Variants in NAALADL2 observed in about 807,000 individuals in gnomAD.
NAALADL2 encodes the protein inactive N-acetylated-alpha-linked acidic dipeptidase-like protein 2.
Under a neutral mutation model 87.2 loss-of-function variants are expected in NAALADL2, and 76 were observed. The ratio of observed to expected loss-of-function variants is 0.87; its 90% CI spans 0.72 to 1.05. The LOEUF (loss-of-function observed/expected upper bound fraction) is 1.05. Ranked by LOEUF, NAALADL2 falls within the 50% of genes least tolerant of loss-of-function variation. The pLI is 0.00. For synonymous variants in NAALADL2, 354 were observed against 331.0 expected, an observed-to-expected ratio of 1.07 and a Z score of -0.75; for missense variants, 1,089 against 945.8, an observed-to-expected ratio of 1.15 and a Z score of -1.99.
chr3:175,133,407 G>C (rs1041596578), intron 2 of NAALADL2, among the ~76,000 whole-genome samples: 9 of 151,698 alleles, frequency 5.9e-5, no homozygotes, highest in African/African-American at 1.9e-4. Flanking sequence ...CCGATATCAC[G>C]CCACTGCACT....
intron 4 of NAALADL2, among the ~76,000 whole-genome samples, chr3:175,293,376 A>G (rs1186349168): frequency 6.6e-6 from 1 of 152,228 alleles, no homozygotes; most frequent in African/African-American, 2.4e-5. Flanking sequence ...ATGTTTAAAT[A>G]ACATATAGAA....
At chr3:175,135,679 G>C (rs368946177) in intron 2 of NAALADL2, among the ~76,000 whole-genome samples, 10 of 152,158 alleles carry the variant, frequency 6.6e-5, no homozygotes, top group African/African-American at 2.4e-4. Context: ...CTACCTTTCA[G>C]AACAGAGCAG....
At chr3:174,628,776 CTCAT>C (rs1399003916) in intron 2 of NAALADL2, among the ~76,000 whole-genome samples, 1 of 152,112 alleles carries the variant, frequency 6.6e-6, no homozygotes, top group African/African-American at 2.4e-5. Context: ...TCTCTCTGTT[CTCAT>C]TCAGTGATTT....
At chr3:175,295,159 A>G (rs1242270185) in intron 4 of NAALADL2, among the ~76,000 whole-genome samples, 1 of 152,174 alleles carries the variant, frequency 6.6e-6, no homozygotes, top group Non-Finnish European at 1.5e-5. Flanking sequence ...CAGAAATGAG[A>G]TAATATCCAA....
intron 9 of NAALADL2, among the ~76,000 whole-genome samples, chr3:175,518,563 C>T (rs1350367104): frequency 2.6e-5 from 4 of 152,198 alleles, no homozygotes; most frequent in African/African-American, 9.7e-5. Flanking sequence ...AGTCCAAGGT[C>T]ATAGGGCCCC....
Position 174,637,698 on chromosome 3 carries a change from T to C in NAALADL2, c.-115+87061T>C, listed in dbSNP as rs141282633. Among the ~76,000 whole-genome samples the C allele has an allele frequency of 2.6e-5, 4 of 152,232 alleles. No homozygotes were observed. The East Asian group carries it at 5.8e-4, about 22-fold the overall frequency. ...TTCAGGACATTTCATGAGTTTAGGA[T>C]AGAAGAAATATTCACAATATAATTC... On this transcript the variant is annotated intron_variant, in intron 2 of 3. Transcript: ENST00000434257.
At position 175,351,065 on chromosome 3, in the gene NAALADL2, T is replaced by TA. The variant is rs751915117; in HGVS notation, c.1090+26742dup. On this transcript the variant is annotated intron_variant, in intron 5 of 13. Coordinates refer to ENST00000454872, the MANE Select transcript of NAALADL2 (RefSeq NM_207015.3). ...TTGCATATACTTTGGAGTGTGACTT[T>TA]AATATGTTCAGTAAATGTGCTGCAA... 6.4e-4 allele frequency among the ~76,000 whole-genome samples: 97 copies of TA among 152,268 alleles called. 1 individual carries two copies. Among genetic ancestry groups the TA allele is most frequent in the Admixed American group, 2.1e-3 (32 of 15,282 alleles).
At chr3:174,763,908 G>A (rs1025265507) in intron 3 of NAALADL2, among the ~76,000 whole-genome samples, 3 of 151,810 alleles carry the variant, frequency 2.0e-5, no homozygotes, top group African/African-American at 7.3e-5. Context: ...TAGAAATGGT[G>A]TGTAACCAAA....
Position 175,678,606 on chromosome 3 carries a change from G to A in NAALADL2, c.1896+51220G>A, listed in dbSNP as rs533297157. On this transcript the variant is annotated intron_variant, in intron 11 of 13. Coordinates refer to ENST00000454872, the MANE Select transcript of NAALADL2 (RefSeq NM_207015.3). ...GGATGAAGCTGGAAACCATCATTCT[G>A]AGCAAACTATCGCAAGGACAGAAAA... Among the ~76,000 whole-genome samples the A allele has an allele frequency of 3.3e-5, 5 of 152,218 alleles. No individual in the cohort carries two copies. In the East Asian group the frequency reaches 5.8e-4, roughly 18 times the overall value.
At chr3:174,718,428 C>A (rs1731408804) in intron 2 of NAALADL2, among the ~76,000 whole-genome samples, 1 of 152,138 alleles carries the variant, frequency 6.6e-6, no homozygotes, top group Non-Finnish European at 1.5e-5. Flanking sequence ...AACATACCTT[C>A]TACAGGTCAG....
At chr3:174,630,399 A>G (rs1001304748) in intron 2 of NAALADL2, among the ~76,000 whole-genome samples, 1 of 152,184 alleles carries the variant, frequency 6.6e-6, no homozygotes. Flanking sequence ...AAAATTTTTT[A>G]AAAGCTCATT....
At chr3:175,563,171 G>T (rs1402899698) in intron 9 of NAALADL2, among the ~76,000 whole-genome samples, 2 of 152,078 alleles carry the variant, frequency 1.3e-5, no homozygotes, top group South Asian at 2.1e-4. Flanking sequence ...TTAAGCAACT[G>T]CCCTGTGGTC....
chr3:175,419,252 G>A (rs1715232348), intron 5 of NAALADL2, among the ~76,000 whole-genome samples: 2 of 151,496 alleles, frequency 1.3e-5, no homozygotes, highest in South Asian at 2.1e-4. Context: ...TCCTGAAGCA[G>A]GTAGATAAAT....
chr3:175,035,049 G>T (rs1580128266), intron 1 of NAALADL2, among the ~76,000 whole-genome samples: 1 of 152,098 alleles, frequency 6.6e-6, no homozygotes, highest in Non-Finnish European at 1.5e-5. Context: ...AGTAATAAAG[G>T]TGGCCATAAT....
At chr3:175,221,198 T>TAAAA (rs368539591) in intron 2 of NAALADL2, among the ~76,000 whole-genome samples, 12 of 135,864 alleles carry the variant, frequency 8.8e-5, no homozygotes, top group Middle Eastern at 3.9e-3. Flanking sequence ...GACTCCGTTT[T>TAAAA]AAAAAAAAAA....
At chr3:174,805,695 G>C (rs1257338983) in intron 3 of NAALADL2, among the ~76,000 whole-genome samples, 3 of 152,106 alleles carry the variant, frequency 2.0e-5, no homozygotes, top group Non-Finnish European at 4.4e-5. Flanking sequence ...ATAAAATAGA[G>C]ACTACTGCCT....
chr3:175,010,361 T>C (rs1465472533), intron 1 of NAALADL2, among the ~76,000 whole-genome samples: 1 of 152,108 alleles, frequency 6.6e-6, no homozygotes, highest in East Asian at 1.9e-4. Flanking sequence ...TGGGAAATAT[T>C]TTGCTTAGAG....
At chr3:174,612,189 T>C (rs546098939) in intron 2 of NAALADL2, among the ~76,000 whole-genome samples, 3 of 152,176 alleles carry the variant, frequency 2.0e-5, no homozygotes, top group African/African-American at 7.2e-5. Context: ...TGTATGTTAC[T>C]GTTTTTCTCC....
At chr3:175,216,161 A>G (rs1163283044) in intron 2 of NAALADL2, among the ~76,000 whole-genome samples, 3 of 152,300 alleles carry the variant, frequency 2.0e-5, no homozygotes, top group African/African-American at 7.2e-5. Flanking sequence ...ATGACAAGAA[A>G]TAGTATAAAT....
Sources: allele counts gnomAD v4.1 joint callset (sites outside exome capture counted in the v4.1 genomes callset), GRCh38; gene constraint gnomAD v4.1.1; transcripts MANE v1.5; gene names NCBI Gene and HGNC (gene_info 2026-07-23, HGNC 2026-07-21).